Variants in LAMC3 observed in about 807,000 individuals in gnomAD.
LAMC3 encodes the protein laminin subunit gamma-3.
LAMC3 carries 128 observed loss-of-function variants against 173.8 expected under a neutral mutation model. The observed-to-expected ratio is 0.74, with a 90% CI of 0.64 to 0.85. LAMC3 has a LOEUF of 0.85. Ranked by LOEUF, LAMC3 falls within the 40% of genes least tolerant of loss-of-function variation. The pLI is 0.00. For synonymous variants in LAMC3, 897 were observed against 909.1 expected, an observed-to-expected ratio of 0.99 and a Z score of 0.24; for missense variants, 2,022 against 2,156.0, an observed-to-expected ratio of 0.94 and a Z score of 1.23.
intron 11 of LAMC3, among the ~76,000 whole-genome samples, chr9:131,055,933 C>G (rs1279196087): frequency 6.6e-6 from 1 of 151,984 alleles, no homozygotes; most frequent in Non-Finnish European, 1.5e-5. Flanking sequence ...CGTGGTGGCT[C>G]AAGCCTGTAA....
chr9:131,068,119 C>T lies in LAMC3; in HGVS notation c.2635C>T (p.Pro879Ser). Reference protein sequence around the residue: ...HPQGSVSEQMPCDPVTGQCSC... With the variant: ...HPQGSVSEQMSCDPVTGQCSC... Reference sequence around the variant, plus strand: ...ACAGGGCTCGGTCAGTGAGCAGATGCCCTGCGACCCAGTGACAGGCCAATG... The same window carrying T: ...ACAGGGCTCGGTCAGTGAGCAGATGTCCTGCGACCCAGTGACAGGCCAATG... Residue 879 changes from proline (P) to serine (S), a missense_variant, in exon 15 of 28, where the codon CCC becomes TCC. Transcript: ENST00000361069. 6 of 1,612,900 alleles carry T rather than the reference C, an allele frequency of 3.7e-6. No individual in the cohort carries two copies. The highest frequency in any genetic ancestry group is 5.1e-6 in the Non-Finnish European group (6 of 1,180,026).
intron 3 of LAMC3, among the ~76,000 whole-genome samples, chr9:131,035,766 G>A (rs1417668381): frequency 6.6e-6 from 1 of 152,140 alleles, no homozygotes; most frequent in Non-Finnish European, 1.5e-5. Flanking sequence ...CCTATTGCTG[G>A]TGTGACTGCT....
At chr9:131,083,675 CT>C (rs1219576556) in intron 24 of LAMC3, among the ~76,000 whole-genome samples, 1 of 152,110 alleles carries the variant, frequency 6.6e-6, no homozygotes, top group East Asian at 1.9e-4. Flanking sequence ...ACACTTCCCC[CT>C]AACGTTTGTT....
intron 13 of LAMC3, among the ~76,000 whole-genome samples, chr9:131,064,080 G>T (rs1829880525): frequency 6.6e-6 from 1 of 152,018 alleles, no homozygotes; most frequent in Non-Finnish European, 1.5e-5. Context: ...GCTAATGTTT[G>T]TATTTTTAGT....
chr9:131,029,356 C>T lies in LAMC3; in HGVS notation c.679-2689C>T, dbSNP rs1833784634. Among the ~76,000 whole-genome samples the T allele has an allele frequency of 6.6e-6, 1 of 152,322 alleles. No individual in the cohort carries two copies. Among genetic ancestry groups the T allele is most frequent in the Non-Finnish European group, 1.5e-5 (1 of 68,036 alleles). ...CTCCAAAGCTCTGTAGATTAGAAAA[C>T]GTCACCCGAGGTCAGATGAAGACAG... On this transcript the variant is annotated intron_variant, in intron 2 of 27. Coordinates refer to ENST00000361069, the MANE Select transcript of LAMC3 (RefSeq NM_006059.4). The surrounding 1 kb of genome is among the most constrained non-coding windows in gnomAD (Gnocchi z 4.6).
rs566883242 is a variant in LAMC3, at chr9:131,018,394, C to T, written c.374-7891C>T. 1.2e-4 allele frequency among the ~76,000 whole-genome samples: 18 copies of T among 152,122 alleles called. No homozygotes were observed. In the East Asian group the frequency reaches 2.7e-3, roughly 23 times the overall value. ...AGGTGATCCCCCTGCCTCGGCCTCCCAAAGTGCTGGGATTACAGGTGTGAG... is the reference window on the plus strand; with the variant it reads ...AGGTGATCCCCCTGCCTCGGCCTCCTAAAGTGCTGGGATTACAGGTGTGAG... On this transcript the variant is annotated intron_variant, in intron 1 of 27. Coordinates refer to ENST00000361069, the MANE Select transcript of LAMC3 (RefSeq NM_006059.4).
At chr9:131,091,486 G>A in intron 27 of LAMC3, 51 bp from the exon 28 acceptor site, 1 of 1,552,970 alleles carries the variant, frequency 6.4e-7, no homozygotes, top group Non-Finnish European at 8.7e-7. Flanking sequence ...AGGTGCCCTG[G>A]GGCCTGCAGG....
intron 2 of LAMC3, among the ~76,000 whole-genome samples, chr9:131,031,469 C>T (rs1049413280): frequency 1.3e-5 from 2 of 152,226 alleles, no homozygotes; most frequent in African/African-American, 4.8e-5. Flanking sequence ...TCACCTGAGG[C>T]AGGTGACCTG....
chr9:131,070,390 A>G (rs913265656), intron 17 of LAMC3, among the ~76,000 whole-genome samples: 1 of 152,186 alleles, frequency 6.6e-6, no homozygotes, highest in Non-Finnish European at 1.5e-5. Flanking sequence ...CAGCTTTCAG[A>G]ATGTGTGGCA....
chr9:131,021,986 C>G (rs1364711680), intron 1 of LAMC3, among the ~76,000 whole-genome samples: 2 of 152,182 alleles, frequency 1.3e-5, no homozygotes, highest in Non-Finnish European at 2.9e-5. Context: ...GAACCCTGTC[C>G]TCAGGTTTTC....
rs1468742295 is a variant in LAMC3 at position 131,052,675 on chromosome 9, C to G, written c.1815C>G (p.Leu605=). 2 of 1,613,474 alleles carry G rather than the reference C, an allele frequency of 1.2e-6. No individual in the cohort carries two copies. The highest frequency in any genetic ancestry group is 1.7e-6 in the Non-Finnish European group (2 of 1,179,750). The part of the protein sequence containing the change: ...QDAGHPREVE[L]RFHLQETSED... ...CCGGGCATCCCAGGGAGGTAGAGCT[C>G]AGGTTCCAGTAAGTATCCCCTTCTG... is the stretch of plus-strand genomic sequence containing the variant. The change falls in exon 10 of 28, where the codon CTC becomes CTG. Residue 605 remains leucine (L), a synonymous_variant. Transcript: ENST00000361069.
intron 9 of LAMC3, among the ~76,000 whole-genome samples, chr9:131,050,221 G>A (rs3780271): frequency 0.099 from 15,032 of 152,340 alleles, 1,007 homozygotes; most frequent in African/African-American, 0.19. Flanking sequence ...TGAGATGGAT[G>A]GACGGCCTGT....
At chr9:131,043,833 C>T (rs948236287) in intron 7 of LAMC3, among the ~76,000 whole-genome samples, 3 of 152,158 alleles carry the variant, frequency 2.0e-5, no homozygotes, top group African/African-American at 4.8e-5. Flanking sequence ...TTTGCATAAC[C>T]TCAAAATATC....
intron 11 of LAMC3, among the ~76,000 whole-genome samples, chr9:131,054,457 G>A (rs1834359258): frequency 6.6e-6 from 1 of 152,100 alleles, no homozygotes; most frequent in Admixed American, 6.6e-5. Flanking sequence ...TAAAAACATA[G>A]AAATGTGATT....
At chr9:131,078,881 A>C (rs1289756093) in intron 22 of LAMC3, among the ~76,000 whole-genome samples, 1 of 152,180 alleles carries the variant, frequency 6.6e-6, no homozygotes, top group Non-Finnish European at 1.5e-5. Flanking sequence ...GCCCCAAGTA[A>C]GGGCTTCCCC....
At chr9:131,057,272 C>A in intron 12 of LAMC3, 125 bp downstream of exon 12, 1 of 802,280 alleles carries the variant, frequency 1.2e-6, no homozygotes, top group South Asian at 1.4e-5. Flanking sequence ...TGGGGCAGTG[C>A]GGGCACTGAG....
At chr9:131,031,859 G>T (rs1355576472) in intron 2 of LAMC3, among the ~76,000 whole-genome samples, 186 bp from the exon 3 acceptor site, 1 of 152,218 alleles carries the variant, frequency 6.6e-6, no homozygotes, top group Non-Finnish European at 1.5e-5. Context: ...CTAGCACCCA[G>T]GTTGGGGTGA....
At chr9:131,034,566 G>T (rs1416177110) in intron 3 of LAMC3, among the ~76,000 whole-genome samples, 1 of 152,248 alleles carries the variant, frequency 6.6e-6, no homozygotes, top group Non-Finnish European at 1.5e-5. Flanking sequence ...GAGTCGATGA[G>T]GACGGGCTTC....
Position 131,044,098 on chromosome 9 carries a change from A to C in LAMC3, c.1383-1426A>C, listed in dbSNP as rs547163038. ...CTCAGCCTCCTAAGTAGCTAGGATT[A>C]TAGGCACCCACCACCACGCCTGGCT... On this transcript the variant is annotated intron_variant, in intron 7 of 27. Transcript: ENST00000361069. 2.0e-5 allele frequency among the ~76,000 whole-genome samples: 3 copies of C among 151,644 alleles called. No homozygotes were observed. In the South Asian group the frequency reaches 6.2e-4, roughly 32 times the overall value.
Sources: gnomAD v4.1 joint callset for allele counts (sites outside exome capture counted in the v4.1 genomes callset) on GRCh38, gnomAD v4.1.1 for gene constraint, Gnocchi (gnomAD v3.1) non-coding constraint, MANE v1.5 for transcripts, NCBI Gene and HGNC (gene_info 2026-07-23, HGNC 2026-07-21) for gene names.